PLB1: variants seen among roughly 807,000 people sequenced by gnomAD.
PLB1 encodes the protein phospholipase B1, membrane-associated.
In PLB1, 242 loss-of-function variants were observed where a neutral mutation model predicts 227.4. The ratio of observed to expected loss-of-function variants is 1.06; its 90% CI spans 0.96 to 1.18. The LOEUF (loss-of-function observed/expected upper bound fraction) is 1.18, where lower values mean the gene tolerates loss of function less well. PLB1 is among the 50% of genes most tolerant of loss of function. PLB1 has a pLI of 0.00. For missense variants in PLB1, 1,858 were observed against 1,816.3 expected (o/e 1.02, Z -0.42); for synonymous variants, 757 against 682.2 (o/e 1.11, Z -1.71).
At chr2:28,624,246 C>A (rs549125769) in intron 49 of PLB1, among the ~76,000 whole-genome samples, 8 of 152,316 alleles carry the variant, frequency 5.3e-5, no homozygotes, top group African/African-American at 1.9e-4. Flanking sequence ...CCCAGGCAAC[C>A]ACTAACCTTC....
chr2:28,639,519 C>T (rs546422699), intron 56 of PLB1, among the ~76,000 whole-genome samples: 4 of 152,112 alleles, frequency 2.6e-5, no homozygotes, highest in African/African-American at 7.2e-5. Flanking sequence ...GTAACAGCCA[C>T]GGTCACTGGA....
In PLB1 at chr2:28,518,529, T is replaced by C; in HGVS notation, c.181T>C (p.Ser61Pro). ...ATTAGGAGTGAATATGCCTTCTAAA[T>C]CAGGTATGTAACCCTTGGCCATGAG... is the stretch of plus-strand genomic sequence containing the variant. ...NKLGVNMPSK[S>P]VHSLKPSDIK... is the part of the protein sequence containing the mutation. Residue 61 changes from serine to proline, a missense_variant, in exon 3 of 58, where the codon TCA (serine) becomes CCA (proline). Physicochemically the swap from Ser to Pro is moderately conservative, Grantham distance 74 (BLOSUM62 -1). Coordinates refer to ENST00000327757, the MANE Select transcript of PLB1 (RefSeq NM_153021.5). 6.2e-7 allele frequency: 1 copy of C among 1,610,306 alleles called. No homozygotes were observed. The highest frequency in any genetic ancestry group is 8.5e-7 in the Non-Finnish European group (1 of 1,176,494).
At chr2:28,496,325 C>T (rs563865420) in intron 1 of PLB1, among the ~76,000 whole-genome samples, 156 bp downstream of exon 1, 7 of 152,274 alleles carry the variant, frequency 4.6e-5, no homozygotes, top group East Asian at 3.9e-4. Context: ...TTGCCTCCTG[C>T]GGAATGGGAT....
At chr2:28,508,216 A>G (rs1667847735) in intron 1 of PLB1, among the ~76,000 whole-genome samples, 1 of 152,222 alleles carries the variant, frequency 6.6e-6, no homozygotes, top group African/African-American at 2.4e-5. Flanking sequence ...TACCTTGCTG[A>G]ATAGCCTTTG....
Position 28,626,185 on chromosome 2 carries a change from G to A in PLB1, c.3580-243G>A, listed in dbSNP as rs960032026. 2.6e-5 allele frequency among the ~76,000 whole-genome samples: 4 copies of A among 151,734 alleles called. No homozygotes were observed. In the East Asian group the frequency reaches 5.8e-4, roughly 22 times the overall value. ...TAATTTTTGTATTTTTAGTGGAGAC[G>A]GGGTTTCATCATGTTGGCCAGGCTG... On this transcript the variant is annotated intron_variant, in intron 50 of 57. Coordinates refer to ENST00000327757, the MANE Select transcript of PLB1 (RefSeq NM_153021.5).
At chr2:28,626,126 G>A (rs968704462) in intron 50 of PLB1, among the ~76,000 whole-genome samples, 1 of 151,904 alleles carries the variant, frequency 6.6e-6, no homozygotes, top group African/African-American at 2.4e-5. Flanking sequence ...CTCCCAAGTA[G>A]CTGGGATTAC....
At chr2:28,580,701 G>A (rs1191549000) in intron 23 of PLB1, among the ~76,000 whole-genome samples, 12 of 145,352 alleles carry the variant, frequency 8.3e-5, no homozygotes, top group African/African-American at 7.9e-5. Flanking sequence ...GTGACAAAGC[G>A]AGACTCCATC....
chr2:28,569,023 C>T (rs570780888), intron 20 of PLB1, among the ~76,000 whole-genome samples: 6 of 152,254 alleles, frequency 3.9e-5, no homozygotes, highest in East Asian at 1.9e-4. Context: ...GAATAGAAAT[C>T]GGAGCAATTT....
At chr2:28,517,824 T>A (rs1246288302) in intron 2 of PLB1, among the ~76,000 whole-genome samples, 3 of 152,062 alleles carry the variant, frequency 2.0e-5, no homozygotes, top group Non-Finnish European at 2.9e-5. Context: ...TTAAGTACTT[T>A]ACATTACTGT....
chr2:28,563,697 G>A (rs1676404105), intron 18 of PLB1, among the ~76,000 whole-genome samples: 1 of 152,120 alleles, frequency 6.6e-6, no homozygotes, highest in African/African-American at 2.4e-5. Flanking sequence ...TCCATGAAAA[G>A]CAGAATCAGG....
chr2:28,632,268 G>A (rs1389146455), intron 55 of PLB1, 128 bp downstream of exon 55: 2 of 739,376 alleles, frequency 2.7e-6, no homozygotes, highest in South Asian at 3.7e-5. Context: ...CCTGAGGGTG[G>A]CTTTTTCCAC....
chr2:28,596,781 T>A (rs1296160248), intron 33 of PLB1, among the ~76,000 whole-genome samples: 1 of 152,192 alleles, frequency 6.6e-6, no homozygotes, highest in Non-Finnish European at 1.5e-5. Flanking sequence ...AGGGTAAGAT[T>A]TACGGCATCT....
In PLB1 at chr2:28,620,991, C is replaced by G; in HGVS notation, c.3527+13C>G. On this transcript the variant is annotated intron_variant, in intron 49 of 57. Transcript: ENST00000327757. ...GGGCCAGAGCTAGGTGAGTAGATGC[C>G]GTACAGGAGGGCGAGTGGAAGGCAA... 1 of 1,596,094 alleles carries G rather than the reference C, an allele frequency of 6.3e-7. No homozygotes were observed. The highest frequency in any genetic ancestry group is 8.6e-7 in the Non-Finnish European group (1 of 1,168,796).
At chr2:28,577,994 C>G in intron 21 of PLB1, 113 bp from the exon 22 acceptor site, 1 of 1,001,616 alleles carries the variant, frequency 1.0e-6, no homozygotes. Flanking sequence ...CATTTTCCTG[C>G]AGGAGGCCCA....
At chr2:28,525,200 G>A (rs1297144661) in intron 4 of PLB1, 67 bp from the exon 5 acceptor site, 20 of 1,472,550 alleles carry the variant, frequency 1.4e-5, no homozygotes, top group Non-Finnish European at 1.6e-5. Flanking sequence ...CAGGCAGCTT[G>A]CGGTCTAACT....
chr2:28,579,942 G>A (rs530365214), intron 23 of PLB1, among the ~76,000 whole-genome samples: 8 of 152,306 alleles, frequency 5.3e-5, no homozygotes, highest in African/African-American at 1.9e-4. Context: ...CCTATCAAGG[G>A]AGCTTGATCA....
Position 28,518,466 on chromosome 2 carries a change from A to G in PLB1, c.118A>G (p.Thr40Ala). ...TTCTGATGTTCGTTTTCAATTGCAG[A>G]CCCTGAAGAATTCTCCATTCCCATG... is the stretch of plus-strand genomic sequence containing the variant. The part of the protein sequence containing the change: ...STLEGQLWPE[T>A]LKNSPFPCNP... The change falls in exon 3 of 58, where the codon ACC becomes GCC. Residue 40 changes from threonine to alanine, a missense_variant and splice_region_variant. Thr to Ala is a moderately conservative substitution (Grantham distance 58). Coordinates refer to ENST00000327757, the MANE Select transcript of PLB1 (RefSeq NM_153021.5). The G allele has an allele frequency of 6.2e-7, 1 of 1,610,474 alleles. No homozygotes were observed.
intron 21 of PLB1, among the ~76,000 whole-genome samples, chr2:28,575,796 C>T (rs1573087299): frequency 6.6e-6 from 1 of 152,164 alleles, no homozygotes; most frequent in Non-Finnish European, 1.5e-5. Context: ...CATGATCTGC[C>T]CACCTCGGCC....
intron 36 of PLB1, 40 bp downstream of exon 36, chr2:28,600,900 T>C (rs760669839): frequency 6.4e-7 from 1 of 1,562,506 alleles, no homozygotes; most frequent in Non-Finnish European, 8.8e-7. Context: ...ATTAATTTTC[T>C]AACCCACTAA....
Sources: allele counts gnomAD v4.1 joint callset (sites outside exome capture counted in the v4.1 genomes callset), GRCh38; gene constraint gnomAD v4.1.1; transcripts MANE v1.5; gene names NCBI Gene and HGNC (gene_info 2026-07-23, HGNC 2026-07-21).